The following RBM12 variants were observed in gnomAD, a reference collection of about 807,000 sequenced individuals.
The protein encoded by RBM12 is RNA-binding protein 12.
A neutral mutation model predicts 37.2 loss-of-function variants in RBM12; 24 were observed. The observed-to-expected ratio is 0.65, with a 90% CI of 0.47 to 0.91. The LOEUF is 0.91. RBM12 is among the 40% of genes least tolerant of loss of function. The pLI is 0.00. For synonymous variants in RBM12, 420 were observed against 425.2 expected, an observed-to-expected ratio of 0.99 and a Z score of 0.15; for missense variants, 1,061 against 1,183.2, an observed-to-expected ratio of 0.90 and a Z score of 1.52.
intron 1 of RBM12, among the ~76,000 whole-genome samples, chr20:35,663,352 A>G (rs1185525073): frequency 6.6e-6 from 1 of 152,228 alleles, no homozygotes; most frequent in Non-Finnish European, 1.5e-5. Context: ...ACTAGTTAAC[A>G]AGGTCCCAGA....
chr20:35,654,044 CAT>C lies in RBM12; in HGVS notation c.1277_1278del (p.His426ArgfsTer14). On this transcript the variant is annotated frameshift_variant, in exon 3 of 3. Coordinates refer to ENST00000374114, the MANE Select transcript of RBM12 (RefSeq NM_006047.6). LOFTEE classifies it high-confidence loss of function. ...GQKRSRSRSP[H>X]EAGFCVYLKG... is the part of the protein sequence containing the mutation. ...TTCAAGTAAACACAAAAACCAGCCT[CAT>C]GTGGTGATCTTGACCTTGATCTTTT... The C allele has an allele frequency of 6.2e-7, 1 of 1,614,192 alleles. No individual in the cohort carries two copies. Among genetic ancestry groups the C allele is most frequent in the Non-Finnish European group, 8.5e-7 (1 of 1,180,028 alleles).
chr20:35,657,083 C>T (rs945014628), intron 2 of RBM12, among the ~76,000 whole-genome samples: 1 of 152,082 alleles, frequency 6.6e-6, no homozygotes, highest in African/African-American at 2.4e-5. Flanking sequence ...GACACATACA[C>T]AAAAATAAAA....
In RBM12 at chr20:35,651,632, T is replaced by TC. The variant is rs11480109; in HGVS notation, c.*891_*892insG. The TC allele has an allele frequency of 0.068, 10,301 of 152,354 alleles. 428 individuals carry two copies. Among genetic ancestry groups the TC allele is most frequent in the South Asian group, 0.18 (870 of 4,820 alleles). 9.4% of individuals were successfully genotyped at this position (152,354 alleles called of 1,614,324 possible). ...GGAAATTGATACTACAATTAGTCCA[T>TC]ATGAAAAGGACTTCAAATCAAGTAT... On this transcript the variant is annotated 3_prime_UTR_variant, in exon 3 of 3. Transcript: ENST00000374114.
At chr20:35,658,853 A>G (rs1006339600) in intron 2 of RBM12, 77 bp downstream of exon 2, 3 of 695,896 alleles carry the variant, frequency 4.3e-6, no homozygotes, top group Non-Finnish European at 8.0e-6. Context: ...TAGTTGCTAC[A>G]TATATTTTCA....
At position 35,658,802 on chromosome 20, in the gene RBM12, A is replaced by AACACACACACACAC. The variant is rs10542710; in HGVS notation, c.-23+114_-23+127dup. On this transcript the variant is annotated intron_variant, in intron 2 of 2. Transcript: ENST00000374114. ...TCAAAACAAAAAACAAGCAAACAAA[A>AACACACACACACAC]ACACACACACACACACACACACACA... 5 of 473,576 alleles carry AACACACACACACAC rather than the reference A, an allele frequency of 1.1e-5. No individual in the cohort carries two copies. In the African/African-American group the frequency reaches 1.1e-4, roughly 10 times the overall value. 29.3% of individuals were successfully genotyped at this position (473,576 alleles called of 1,614,324 possible).
rs144944026 is a variant in RBM12, at chr20:35,656,421, G to A, written c.-22-1077C>T. Among the ~76,000 whole-genome samples the A allele has an allele frequency of 1.2e-4, 18 of 152,312 alleles. No homozygotes were observed. The East Asian group carries it at 3.1e-3, about 26-fold the overall frequency. ...GCTTCTAAGAGCAAATTCAAGGGCA[G>A]CCCTTTGGAAAGTGACACAAACCGA... On this transcript the variant is annotated intron_variant, in intron 2 of 2. Transcript: ENST00000374114.
In RBM12 at chr20:35,664,754, T is replaced by A. The variant is rs2034451222; in HGVS notation, c.-108+6A>T. ...CCCACCCGTTCAGGGGCTGCGGGAG[T>A]CTTACCGGGGAAAGCTGCGCGGCAC... On this transcript the variant is annotated splice_donor_region_variant and intron_variant, in intron 1 of 2. Coordinates refer to ENST00000374114, the MANE Select transcript of RBM12 (RefSeq NM_006047.6). 6.6e-6 allele frequency: 1 copy of A among 152,120 alleles called. No homozygotes were observed. Among genetic ancestry groups the A allele is most frequent in the Non-Finnish European group, 1.5e-5 (1 of 68,068 alleles). 9.4% of individuals were successfully genotyped at this position (152,120 alleles called of 1,614,324 possible).
intron 1 of RBM12, among the ~76,000 whole-genome samples, chr20:35,661,238 G>C (rs1435724891): frequency 6.6e-6 from 1 of 152,176 alleles, no homozygotes; most frequent in Non-Finnish European, 1.5e-5. Context: ...AAATACTTCT[G>C]TGTTGACACC....
chr20:35,661,964 T>G (rs776517060), intron 1 of RBM12, among the ~76,000 whole-genome samples: 9 of 152,132 alleles, frequency 5.9e-5, no homozygotes, highest in Non-Finnish European at 8.8e-5. Flanking sequence ...ACGGGCACAA[T>G]GCTAAAAACA....
In RBM12 at chr20:35,652,480, C is replaced by A; in HGVS notation, c.*44G>T. 6.4e-7 allele frequency: 1 copy of A among 1,553,644 alleles called. No homozygotes were observed. The highest frequency in any genetic ancestry group is 2.0e-5 in the Admixed American group (1 of 49,920). On this transcript the variant is annotated 3_prime_UTR_variant, in exon 3 of 3. Transcript: ENST00000374114. ...AGGAAAACAATCTGGATGCATTAAT[C>A]ACAGCAATATGAAGATCTACCCTAT...
chr20:35,656,124 CTA>C lies in RBM12; in HGVS notation c.-22-782_-22-781del, dbSNP rs140393493. On this transcript the variant is annotated intron_variant, in intron 2 of 2. Coordinates refer to ENST00000374114, the MANE Select transcript of RBM12 (RefSeq NM_006047.6). ...CTGGTTATAGTCCCATTCACTGTGA[CTA>C]TTTTAATTAAAACTCAGGTCCAATG... 8.1e-3 allele frequency among the ~76,000 whole-genome samples: 1,228 copies of C among 152,290 alleles called. 18 individuals are homozygous for C. The highest frequency in any genetic ancestry group is 0.028 in the African/African-American group (1,172 of 41,554).
chr20:35,652,684 T>C lies in RBM12; in HGVS notation c.2639A>G (p.Gln880Arg). 1 of 1,614,156 alleles carries C rather than the reference T, an allele frequency of 6.2e-7. No individual in the cohort carries two copies. Among genetic ancestry groups the C allele is most frequent in the East Asian group, 2.2e-5 (1 of 44,888 alleles). The change falls in exon 3 of 3, where the codon CAA (glutamine) becomes CGA (arginine). Residue 880 changes from glutamine to arginine, a missense_variant. By Grantham distance (43) the Gln-to-Arg change is conservative. Transcript: ENST00000374114. The part of the protein sequence containing the change: ...DEILDFFYGY[Q>R]VIPGSVCLKY... ...TAAACACACTGAGCCTGGGATTACT[T>C]GATAGCCATAAAAGAAATCTAAAAT... is the stretch of plus-strand genomic sequence containing the variant.
In RBM12 at chr20:35,651,173, T is replaced by C. The variant is rs545336799; in HGVS notation, c.*1351A>G. 9.8e-5 allele frequency: 15 copies of C among 152,312 alleles called. No homozygotes were observed. Among genetic ancestry groups the C allele is most frequent in the Admixed American group, 5.2e-4 (8 of 15,300 alleles). 9.4% of individuals were successfully genotyped at this position (152,312 alleles called of 1,614,324 possible). A position where few individuals can be genotyped will look rare whatever the true frequency, so the allele number is the denominator to read the frequency against. On this transcript the variant is annotated 3_prime_UTR_variant, in exon 3 of 3. Coordinates refer to ENST00000374114, the MANE Select transcript of RBM12 (RefSeq NM_006047.6). ...CCTATCTCCCCTTCCGTATTGTTTA[T>C]AATATAATGTGACACATCTTCAGAG...
intron 2 of RBM12, among the ~76,000 whole-genome samples, chr20:35,656,144 G>A (rs957526064): frequency 2.0e-5 from 3 of 152,104 alleles, no homozygotes; most frequent in African/African-American, 7.2e-5. Context: ...TAAAACTCAG[G>A]TCCAATGACT....
chr20:35,652,986 T>G lies in RBM12; in HGVS notation c.2337A>C (p.Leu779Phe), dbSNP rs974900142. 2.5e-6 allele frequency: 4 copies of G among 1,613,808 alleles called. No homozygotes were observed. Among genetic ancestry groups the G allele is most frequent in the Non-Finnish European group, 2.5e-6 (3 of 1,180,014 alleles). The change falls in exon 3 of 3, where the codon TTA becomes TTC. Residue 779 changes from leucine (L) to phenylalanine (F), a missense_variant. Leu to Phe is a conservative substitution (Grantham distance 22). Coordinates refer to ENST00000374114, the MANE Select transcript of RBM12 (RefSeq NM_006047.6). ...CCCCTCCAAATCCCGATGGCCCACT[T>G]AAATTGTTTGGTCCACCTCCAAAAC... Reference protein sequence around the residue: ...VPGFGGGPNNLSGPSGFGGGP... With the variant: ...VPGFGGGPNNFSGPSGFGGGP...
In RBM12 at chr20:35,654,648, CG is replaced by C. The variant is rs2033779213; in HGVS notation, c.674del (p.Pro225ArgfsTer11). 6.2e-7 allele frequency: 1 copy of C among 1,613,682 alleles called. No individual in the cohort carries two copies. The highest frequency in any genetic ancestry group is 1.3e-5 in the African/African-American group (1 of 74,872). On this transcript the variant is annotated frameshift_variant, in exon 3 of 3. Transcript: ENST00000374114. LOFTEE classifies it high-confidence loss of function. ...GTGGCACAGAAGGAACTGGGGGAAT[CG>C]GGGGCACAGGAGGCACAGGAGGCAA... ...PTLPPVPPVP[P>X]IPPVPSVPPM...
chr20:35,662,837 G>A (rs1265879699), intron 1 of RBM12, among the ~76,000 whole-genome samples: 6 of 152,088 alleles, frequency 3.9e-5, no homozygotes, highest in African/African-American at 9.7e-5. Flanking sequence ...AGCCCAAAGA[G>A]TACTGGTATT....
Position 35,652,603 on chromosome 20 carries a change from C to G in RBM12, c.2720G>C (p.Arg907Pro). 3 of 1,614,146 alleles carry G rather than the reference C, an allele frequency of 1.9e-6. No individual in the cohort carries two copies. Among genetic ancestry groups the G allele is most frequent in the Non-Finnish European group, 2.5e-6 (3 of 1,180,014 alleles). The change falls in exon 3 of 3, where the codon CGG (arginine) becomes CCG (proline). Residue 907 changes from arginine to proline, a missense_variant. Coordinates refer to ENST00000374114, the MANE Select transcript of RBM12 (RefSeq NM_006047.6). Reference sequence around the variant, plus strand: ...AATGACAGCAGCTGTGGCTTCATCCCGAGACTCAAAGGCCACCATGGCTTC... The same window carrying G: ...AATGACAGCAGCTGTGGCTTCATCCGGAGACTCAAAGGCCACCATGGCTTC... ...TGEAMVAFES[R>P]DEATAAVIDL...
intron 1 of RBM12, among the ~76,000 whole-genome samples, chr20:35,659,262 C>T (rs527785348): frequency 6.6e-6 from 1 of 152,174 alleles, no homozygotes; most frequent in African/African-American, 2.4e-5. Flanking sequence ...TTAACTTAGC[C>T]CAATAACGAA....
Sources: allele counts gnomAD v4.1 joint callset (sites outside exome capture counted in the v4.1 genomes callset), GRCh38; gene constraint gnomAD v4.1.1; transcripts MANE v1.5; gene names NCBI Gene and HGNC (gene_info 2026-07-23, HGNC 2026-07-21).